The following PRKCH variants were observed in gnomAD, a reference collection of about 807,000 sequenced individuals.
PRKCH encodes protein kinase C eta type.
In PRKCH, 28 loss-of-function variants were observed where a neutral mutation model predicts 82.5. That is an observed-to-expected ratio of 0.34 (90% confidence interval 0.25 to 0.47). PRKCH has a LOEUF of 0.47. Ranked by LOEUF, PRKCH falls within the 20% of genes least tolerant of loss-of-function variation. PRKCH has a pLI of 1.00. For missense variants in PRKCH, 705 were observed against 881.8 expected (o/e 0.80, Z 2.54); for synonymous variants, 322 against 327.4 (o/e 0.98, Z 0.18).
At chr14:61,497,139 G>A (rs1231484668) in intron 10 of PRKCH, among the ~76,000 whole-genome samples, 1 of 152,160 alleles carries the variant, frequency 6.6e-6, no homozygotes, top group East Asian at 1.9e-4. Context: ...TCCTGGAAAG[G>A]CACACAAATT....
intron 10 of PRKCH, among the ~76,000 whole-genome samples, chr14:61,520,468 C>T (rs111310506): frequency 6.6e-6 from 1 of 152,150 alleles, no homozygotes; most frequent in African/African-American, 2.4e-5. Context: ...CAAAACAAAA[C>T]TTCAACCAGG....
intron 9 of PRKCH, among the ~76,000 whole-genome samples, chr14:61,484,148 C>T (rs974463202): frequency 4.6e-5 from 7 of 152,134 alleles, no homozygotes; most frequent in African/African-American, 9.7e-5. Flanking sequence ...GGTCCCAAGT[C>T]GATGGCACTC....
At chr14:61,421,249 T>A (rs1288179965) in intron 2 of PRKCH, among the ~76,000 whole-genome samples, 7 of 152,002 alleles carry the variant, frequency 4.6e-5, no homozygotes, top group Non-Finnish European at 1.5e-5. Flanking sequence ...TTGTCATCAA[T>A]ATATACAATC....
chr14:61,533,890 A>T (rs1020293509), intron 12 of PRKCH, among the ~76,000 whole-genome samples: 1 of 152,224 alleles, frequency 6.6e-6, no homozygotes, highest in East Asian at 1.9e-4. Context: ...AGGGTTCGAG[A>T]TAGCAAGGTG....
intron 2 of PRKCH, among the ~76,000 whole-genome samples, chr14:61,394,070 A>G (rs562506545): frequency 1.3e-5 from 2 of 152,308 alleles, no homozygotes; most frequent in East Asian, 1.9e-4. Context: ...AATTGTTTGT[A>G]TTTTTGGTAT....
chr14:61,473,403 G>T (rs561457938), intron 9 of PRKCH, among the ~76,000 whole-genome samples: 2 of 152,288 alleles, frequency 1.3e-5, no homozygotes, highest in Admixed American at 1.3e-4. Context: ...TACAGAGGGA[G>T]GCTAATGGCA....
intron 1 of PRKCH, among the ~76,000 whole-genome samples, chr14:61,247,735 C>CAAAAAAAAAAAA (rs202153655): frequency 9.5e-5 from 5 of 52,676 alleles, no homozygotes; most frequent in African/African-American, 1.6e-4. Flanking sequence ...GACTCCATCT[C>CAAAAAAAAAAAA]AAAAAAAAAA....
chr14:61,198,237 T>C (rs919274321), intron 1 of PRKCH, among the ~76,000 whole-genome samples: 6 of 152,196 alleles, frequency 3.9e-5, no homozygotes, highest in African/African-American at 9.6e-5. Context: ...TTAACAACAA[T>C]CCCATTGCAC....
intron 1 of PRKCH, among the ~76,000 whole-genome samples, chr14:61,255,053 C>A (rs1427658133): frequency 6.6e-6 from 1 of 152,200 alleles, no homozygotes; most frequent in Non-Finnish European, 1.5e-5. Flanking sequence ...TCAAAGGGAC[C>A]CTTCAAGATT....
intron 2 of PRKCH, among the ~76,000 whole-genome samples, chr14:61,404,184 G>T (rs975791122): frequency 2.0e-5 from 3 of 152,160 alleles, no homozygotes; most frequent in African/African-American, 7.2e-5. Flanking sequence ...CCTGATGGCT[G>T]AGAGTTGTGT....
chr14:61,357,692 A>G (rs79516087), intron 1 of PRKCH, among the ~76,000 whole-genome samples: 7,425 of 152,140 alleles, frequency 0.049, 527 homozygotes, highest in African/African-American at 0.16. Context: ...TTAACCCAAC[A>G]CATCCACTCT....
intron 2 of PRKCH, among the ~76,000 whole-genome samples, chr14:61,393,864 C>T (rs2046726576): frequency 2.6e-5 from 4 of 152,356 alleles, no homozygotes; most frequent in South Asian, 4.1e-4. Context: ...ATGTGGGTCT[C>T]ACCTAATGCG....
In PRKCH at chr14:61,485,642, A is replaced by G; in HGVS notation, c.1419A>G (p.Lys473=). 6.2e-7 allele frequency: 1 copy of G among 1,614,064 alleles called. No homozygotes were observed. Among genetic ancestry groups the G allele is most frequent in the Non-Finnish European group, 8.5e-7 (1 of 1,179,936 alleles). The change falls in exon 10 of 14, where the codon AAA becomes AAG. Residue 473 remains lysine (K), a synonymous_variant. Transcript: ENST00000332981. ...IISALMFLHD[K]GIIYRDLKLD... The stretch of plus-strand genomic sequence containing the variant: ...CGGCTCTCATGTTCCTCCATGATAA[A>G]GGAATCATCTATAGGTGAGTTTTGG...
chr14:61,329,163 A>G (rs2045745617), intron 1 of PRKCH, among the ~76,000 whole-genome samples: 1 of 150,030 alleles, frequency 6.7e-6, no homozygotes, highest in Non-Finnish European at 1.5e-5. Context: ...CAATTGCCAA[A>G]CCAATAGTCA....
intron 1 of PRKCH, chr14:61,304,155 ACT>A (rs2045467373): frequency 4.0e-5 from 6 of 151,668 alleles, no homozygotes. Context: ...AATTTTGTTA[ACT>A]CTGTCCTTTT....
At chr14:61,480,099 C>T (rs998060413) in intron 9 of PRKCH, among the ~76,000 whole-genome samples, 1 of 152,208 alleles carries the variant, frequency 6.6e-6, no homozygotes, top group Admixed American at 6.5e-5. Flanking sequence ...AAGCCAAAAG[C>T]CTCAGGTAAA....
chr14:61,384,079 G>A (rs1463334710), intron 1 of PRKCH, among the ~76,000 whole-genome samples: 1 of 152,120 alleles, frequency 6.6e-6, no homozygotes, highest in Non-Finnish European at 1.5e-5. Flanking sequence ...CAGGAGAAAG[G>A]ATGAGGGAGG....
chr14:61,542,647 C>T (rs1354354708), intron 12 of PRKCH, among the ~76,000 whole-genome samples: 1 of 152,168 alleles, frequency 6.6e-6, no homozygotes, highest in Non-Finnish European at 1.5e-5. Context: ...ACAGGGAGAG[C>T]CAGATGAGCC....
chr14:61,449,827 C>G (rs1043675116), intron 5 of PRKCH, among the ~76,000 whole-genome samples: 2 of 151,452 alleles, frequency 1.3e-5, no homozygotes, highest in African/African-American at 4.9e-5. Flanking sequence ...CTGGCTTTCT[C>G]CAGCCTCTTA....
Sources: allele counts gnomAD v4.1 joint callset (sites outside exome capture counted in the v4.1 genomes callset), GRCh38; gene constraint gnomAD v4.1.1; transcripts MANE v1.5; gene names NCBI Gene and HGNC (gene_info 2026-07-23, HGNC 2026-07-21).